The following DZIP1L variants were observed in gnomAD, a reference collection of about 807,000 sequenced individuals.
The protein encoded by DZIP1L is DAZ interacting zinc finger protein 1 like.
A neutral mutation model predicts 88.7 loss-of-function variants in DZIP1L; 90 were observed. That is an observed-to-expected ratio of 1.02 (90% CI 0.86 to 1.21). DZIP1L has a LOEUF of 1.21. Ranked by LOEUF, DZIP1L falls within the 50% of genes most tolerant of loss-of-function variation. DZIP1L has a pLI of 0.00. For synonymous variants in DZIP1L, 363 were observed against 372.1 expected (o/e 0.98, Z 0.28); for missense variants, 932 against 955.8 (o/e 0.98, Z 0.33).
At chr3:138,101,396 T>G in intron 2 of DZIP1L, 1 of 694,292 alleles carries the variant, frequency 1.4e-6, no homozygotes, top group East Asian at 2.5e-5. Context: ...CCGTTCCCTG[T>G]GCTACCCTGC....
At position 138,062,599 on chromosome 3, in the gene DZIP1L, T is replaced by G. The variant is rs151311173; in HGVS notation, c.*217A>C. On this transcript the variant is annotated 3_prime_UTR_variant, in exon 16 of 16. Coordinates refer to ENST00000327532, the MANE Select transcript of DZIP1L (RefSeq NM_173543.3). Reference sequence around the variant, plus strand: ...TAACCCTTTCTCAAGCCTGGGGACCTAGGGGCTCCTAGTCAGGCACCTGTG... The same window carrying G: ...TAACCCTTTCTCAAGCCTGGGGACCGAGGGGCTCCTAGTCAGGCACCTGTG... 1.2e-4 allele frequency: 62 copies of G among 520,414 alleles called. 1 individual carries two copies. Among genetic ancestry groups the G allele is most frequent in the African/African-American group, 1.1e-3 (58 of 53,286 alleles). The allele number at this position is 520,414 out of a possible 1,614,324, so 32.2% of individuals were successfully genotyped here.
At chr3:138,092,671 G>T in intron 4 of DZIP1L, 127 bp from the exon 5 acceptor site, 3 of 934,976 alleles carry the variant, frequency 3.2e-6, no homozygotes, top group Non-Finnish European at 3.0e-6. Context: ...TCATCCCACA[G>T]TTCCCATTGT....
At chr3:138,114,566 C>T (rs1264477019) in intron 1 of DZIP1L, among the ~76,000 whole-genome samples, 1 of 152,034 alleles carries the variant, frequency 6.6e-6, no homozygotes, top group African/African-American at 2.4e-5. Context: ...GAGAGATCAC[C>T]CACCCTATCT....
In DZIP1L at chr3:138,103,815, C is replaced by T. The variant is rs1434833275; in HGVS notation, c.157G>A (p.Ala53Thr). ...CCAGCAATATTCTCCTGCAGAGTGG[C>T]CACATCCAGTTCCCGGGCCACGCGG... Reference protein sequence around the residue: ...VDRVARELDVATLQENIAGIT... With the variant: ...VDRVARELDVTTLQENIAGIT... Residue 53 changes from alanine (A) to threonine (T), a missense_variant, in exon 2 of 16, where the codon GCC becomes ACC. Physicochemically the swap from Ala to Thr is moderately conservative, Grantham distance 58 (BLOSUM62 0). Transcript: ENST00000327532. 6.8e-6 allele frequency: 11 copies of T among 1,614,040 alleles called. 1 individual carries two copies. The highest frequency in any genetic ancestry group is 1.1e-5 in the South Asian group (1 of 91,096).
intron 12 of DZIP1L, chr3:138,069,234 C>T: frequency 1.8e-6 from 1 of 541,594 alleles, no homozygotes; most frequent in South Asian, 2.7e-5. Context: ...GAATAGTAAA[C>T]ATATTTGCTC....
chr3:138,110,884 T>C (rs1029129407), intron 1 of DZIP1L, among the ~76,000 whole-genome samples: 11 of 152,220 alleles, frequency 7.2e-5, no homozygotes, highest in African/African-American at 2.2e-4. Context: ...GGAAATGACT[T>C]TCCCACAGTC....
At position 138,068,242 on chromosome 3, in the gene DZIP1L, C is replaced by G; in HGVS notation, c.1741G>C (p.Gly581Arg). ...GCGGACACCTGGGTCAGGCTGGAGC[C>G]ATGGCTGCCATGGCTCTGACGAGTT... ...PPTRQSHGSH[G>R]SSLTQVSAPA... The change falls in exon 13 of 16, where the codon GGC becomes CGC. Residue 581 changes from glycine (G) to arginine (R), a missense_variant. Coordinates refer to ENST00000327532, the MANE Select transcript of DZIP1L (RefSeq NM_173543.3). 6.4e-7 allele frequency: 1 copy of G among 1,568,082 alleles called. No homozygotes were observed. Among genetic ancestry groups the G allele is most frequent in the South Asian group, 1.1e-5 (1 of 87,342 alleles).
chr3:138,081,826 T>C (rs1194177930), intron 8 of DZIP1L, 62 bp from the exon 9 acceptor site: 9 of 1,565,906 alleles, frequency 5.7e-6, no homozygotes, highest in Middle Eastern at 1.7e-4. Context: ...AACTCTGCTT[T>C]GAGCAGTGTC....
intron 10 of DZIP1L, among the ~76,000 whole-genome samples, chr3:138,079,049 T>G (rs1481932456): frequency 6.6e-6 from 1 of 152,248 alleles, no homozygotes; most frequent in Non-Finnish European, 1.5e-5. Context: ...CTTCAGTTTG[T>G]CTGGCATGGG....
At position 138,103,489 on chromosome 3, in the gene DZIP1L, G is replaced by A; in HGVS notation, c.483C>T (p.Gly161=). The A allele has an allele frequency of 6.2e-7, 1 of 1,603,580 alleles. No homozygotes were observed. The highest frequency in any genetic ancestry group is 8.5e-7 in the Non-Finnish European group (1 of 1,173,378). Residue 161 remains glycine, a synonymous_variant, in exon 2 of 16, where the codon GGC becomes GGT. Transcript: ENST00000327532. ...TCCTCACCGTGTGGTAGCTGTGGGT[G>A]CCTGTCTGCATTAGCAGCTGCTGCA... The part of the protein sequence containing the change: ...STLQQLLMQT[G]THSYHTCHLC...
chr3:138,080,472 G>A (rs1276835614), intron 10 of DZIP1L, 95 bp downstream of exon 10: 4 of 1,373,690 alleles, frequency 2.9e-6, no homozygotes, highest in Non-Finnish European at 4.1e-6. Flanking sequence ...AGCTTCGGAT[G>A]TCCAGATACA....
At chr3:138,104,137 G>A (rs1200081914) in intron 1 of DZIP1L, 85 bp from the exon 2 acceptor site, 1 of 1,253,822 alleles carries the variant, frequency 8.0e-7, no homozygotes, top group Non-Finnish European at 1.1e-6. Context: ...GCCTAAGCGG[G>A]GCAAAGTGAG....
intron 3 of DZIP1L, among the ~76,000 whole-genome samples, chr3:138,095,945 G>A (rs1944450789): frequency 6.6e-6 from 1 of 152,088 alleles, no homozygotes; most frequent in South Asian, 2.1e-4. Flanking sequence ...GATAAAGCAA[G>A]AGTTAAGGGT....
chr3:138,092,711 C>A (rs200283427), intron 4 of DZIP1L, among the ~76,000 whole-genome samples, 167 bp from the exon 5 acceptor site: 1 of 152,334 alleles, frequency 6.6e-6, no homozygotes, highest in East Asian at 1.9e-4. Context: ...TCTAAGCCTA[C>A]TAAGTCTGCT....
intron 7 of DZIP1L, among the ~76,000 whole-genome samples, chr3:138,086,731 AGAG>A (rs1037296064): frequency 6.6e-5 from 10 of 152,224 alleles, no homozygotes; most frequent in African/African-American, 1.7e-4. Flanking sequence ...TGTTCGATTC[AGAG>A]GAGAAGGCCT....
intron 6 of DZIP1L, among the ~76,000 whole-genome samples, chr3:138,087,465 T>A (rs1050547111): frequency 6.6e-6 from 1 of 152,168 alleles, no homozygotes; most frequent in Non-Finnish European, 1.5e-5. Context: ...CAAACCATAA[T>A]ACACAAAATT....
intron 5 of DZIP1L, among the ~76,000 whole-genome samples, chr3:138,089,640 A>G (rs1344161770): frequency 2.0e-5 from 3 of 152,206 alleles, no homozygotes; most frequent in Admixed American, 6.5e-5. Context: ...TTTTTTTACA[A>G]TCATTCTAAA....
chr3:138,088,932 C>T, intron 5 of DZIP1L: 1 of 986,394 alleles, frequency 1.0e-6, no homozygotes, highest in Non-Finnish European at 1.2e-6. Context: ...TCCTGGCTGT[C>T]TCCAGAAAGG....
At chr3:138,105,172 A>G (rs1465257378) in intron 1 of DZIP1L, among the ~76,000 whole-genome samples, 3 of 152,170 alleles carry the variant, frequency 2.0e-5, no homozygotes, top group Non-Finnish European at 4.4e-5. Context: ...TTAATGACAT[A>G]TTAATATAAT....
Sources: allele counts gnomAD v4.1 joint callset (sites outside exome capture counted in the v4.1 genomes callset), GRCh38; gene constraint gnomAD v4.1.1; transcripts MANE v1.5; gene names NCBI Gene and HGNC (gene_info 2026-07-23, HGNC 2026-07-21).